The following STK3 variants were observed in gnomAD, a reference collection of about 807,000 sequenced individuals.
The protein encoded by STK3 is serine/threonine-protein kinase 3.
A neutral mutation model predicts 58.0 loss-of-function variants in STK3; 41 were observed. The ratio of observed to expected loss-of-function variants is 0.71; its 90% CI spans 0.55 to 0.92. The LOEUF (loss-of-function observed/expected upper bound fraction) is 0.92, where lower values mean the gene tolerates loss of function less well. Among genes scored for constraint, STK3 ranks in the 40% least tolerant of loss-of-function variants. The pLI is 0.00. For missense variants in STK3, 479 were observed against 602.7 expected, an observed-to-expected ratio of 0.79 and a Z score of 2.15; for synonymous variants, 170 against 191.0, an observed-to-expected ratio of 0.89 and a Z score of 0.91.
intron 1 of STK3, among the ~76,000 whole-genome samples, chr8:98,818,579 G>C (rs962306142): frequency 6.6e-6 from 1 of 150,508 alleles, no homozygotes; most frequent in South Asian, 2.1e-4. Context: ...TGTGTATCAA[G>C]ATAGCAGAAA....
intron 6 of STK3, among the ~76,000 whole-genome samples, chr8:98,647,144 A>C (rs1476298279): frequency 6.6e-6 from 1 of 152,068 alleles, no homozygotes. Flanking sequence ...CAAACACAAA[A>C]GGGCTTTCCA....
At chr8:98,586,360 G>A (rs1174692557) in intron 7 of STK3, among the ~76,000 whole-genome samples, 1 of 151,838 alleles carries the variant, frequency 6.6e-6, no homozygotes, top group East Asian at 1.9e-4. Flanking sequence ...ATAATCATGT[G>A]GTTTTTGTCT....
At chr8:98,694,660 T>G (rs2130974573) in intron 6 of STK3, among the ~76,000 whole-genome samples, 1 of 152,342 alleles carries the variant, frequency 6.6e-6, no homozygotes, top group Admixed American at 6.5e-5. Context: ...TTCATCCATG[T>G]CCCTACAAAG....
intron 9 of STK3, among the ~76,000 whole-genome samples, chr8:98,543,771 C>G (rs931778768): frequency 2.6e-5 from 4 of 152,154 alleles, no homozygotes; most frequent in Non-Finnish European, 5.9e-5. Flanking sequence ...CAGAGAAACA[C>G]AGGCCTCCAG....
rs1833434144 is a variant in STK3, at chr8:98,800,189, G to C, written c.26+25326C>G. On this transcript the variant is annotated intron_variant, in intron 1 of 10. Coordinates refer to ENST00000419617, the MANE Select transcript of STK3 (RefSeq NM_006281.4). The surrounding 1 kb of genome is among the most constrained non-coding windows in gnomAD (Gnocchi z 4.8). ...TTTCCTCTAGAATTGAGGCCACCAAGCTACAGATGGTCTTACAAATGGAAC... is the reference window on the plus strand; with the variant it reads ...TTTCCTCTAGAATTGAGGCCACCAACCTACAGATGGTCTTACAAATGGAAC... 6.6e-6 allele frequency among the ~76,000 whole-genome samples: 1 copy of C among 152,130 alleles called. No homozygotes were observed. Among genetic ancestry groups the C allele is most frequent in the African/African-American group, 2.4e-5 (1 of 41,418 alleles).
chr8:98,920,116 T>G (rs2132005055), intron 1 of STK3, among the ~76,000 whole-genome samples: 1 of 152,282 alleles, frequency 6.6e-6, no homozygotes, highest in Admixed American at 6.5e-5. Flanking sequence ...TACAACGTGG[T>G]TTAAATGTGT....
intron 3 of STK3, among the ~76,000 whole-genome samples, chr8:98,848,186 T>C (rs1303767690): frequency 6.6e-6 from 1 of 152,148 alleles, no homozygotes; most frequent in Non-Finnish European, 1.5e-5. Context: ...CAAAGAAACC[T>C]AGCACTCACC....
chr8:98,571,399 G>A (rs182940815), intron 8 of STK3, among the ~76,000 whole-genome samples: 5 of 152,164 alleles, frequency 3.3e-5, no homozygotes, highest in Admixed American at 1.3e-4. Context: ...AGGGGAAGGC[G>A]GGGGAAGTTT....
intron 6 of STK3, among the ~76,000 whole-genome samples, chr8:98,630,667 A>G (rs1587088694): frequency 6.9e-6 from 1 of 145,818 alleles, no homozygotes; most frequent in African/African-American, 2.6e-5. Context: ...GGAGAAGGAG[A>G]AGGAGGAGAA....
intron 3 of STK3, among the ~76,000 whole-genome samples, chr8:98,857,035 G>A (rs1296692349): frequency 6.6e-6 from 1 of 152,148 alleles, no homozygotes; most frequent in Non-Finnish European, 1.5e-5. Flanking sequence ...TGGATTAATA[G>A]TTGCTTAGGG....
At chr8:98,488,932 C>A (rs1343426430) in intron 10 of STK3, among the ~76,000 whole-genome samples, 1 of 152,128 alleles carries the variant, frequency 6.6e-6, no homozygotes, top group Non-Finnish European at 1.5e-5. Flanking sequence ...TTTCTGGGCA[C>A]CTTTCTCAAA....
At chr8:98,835,304 T>C (rs1054333018) in intron 3 of STK3, among the ~76,000 whole-genome samples, 6 of 152,228 alleles carry the variant, frequency 3.9e-5, no homozygotes, top group African/African-American at 1.4e-4. Flanking sequence ...CTAGGTCCTT[T>C]AAGTAATTTT....
chr8:98,705,439 T>TAAAAAAAAAAAAAAAAAAAA (rs1825899524), intron 6 of STK3, among the ~76,000 whole-genome samples: 1 of 152,044 alleles, frequency 6.6e-6, no homozygotes, highest in African/African-American at 2.4e-5. Flanking sequence ...AAACTCTCTT[T>TAAAAAAAAAAAAAAAAAAAA]AAAATGTTTC....
At chr8:98,806,057 C>T (rs1223531347) in intron 1 of STK3, among the ~76,000 whole-genome samples, 1 of 152,132 alleles carries the variant, frequency 6.6e-6, no homozygotes, top group East Asian at 1.9e-4. Flanking sequence ...ATTCATTATT[C>T]CTTTCATTAT....
At chr8:98,434,064 G>T (rs1036732569) in intron 3 of STK3, 2 of 152,186 alleles carry the variant, frequency 1.3e-5, no homozygotes, top group African/African-American at 4.8e-5. Context: ...GAGGTTATTG[G>T]GCCCCAGAAG....
intron 3 of STK3, among the ~76,000 whole-genome samples, chr8:98,423,997 C>T (rs1267083837): frequency 2.0e-5 from 3 of 152,222 alleles, no homozygotes; most frequent in Admixed American, 1.3e-4. Flanking sequence ...CCTCAACCTG[C>T]GCCTGGAGCA....
chr8:98,495,774 T>G (rs561656670), intron 10 of STK3, among the ~76,000 whole-genome samples: 1 of 152,348 alleles, frequency 6.6e-6, no homozygotes, highest in South Asian at 2.1e-4. Context: ...CTGTATATAC[T>G]TTTGTCTCAC....
At chr8:98,884,289 C>T (rs1043384197) in intron 1 of STK3, among the ~76,000 whole-genome samples, 4 of 152,162 alleles carry the variant, frequency 2.6e-5, no homozygotes, top group Non-Finnish European at 5.9e-5. Flanking sequence ...AGATGTGAGT[C>T]TATTTTTATT....
At chr8:98,396,726 C>T (rs997409315), downstream of STK3, among the ~76,000 whole-genome samples, 1 of 152,200 alleles carries the variant, frequency 6.6e-6, no homozygotes, top group Non-Finnish European at 1.5e-5. Flanking sequence ...GGTGGCAAGA[C>T]AGAATGAGAG....
Sources: gnomAD v4.1 joint callset for allele counts (sites outside exome capture counted in the v4.1 genomes callset) on GRCh38, gnomAD v4.1.1 for gene constraint, Gnocchi (gnomAD v3.1) non-coding constraint, MANE v1.5 for transcripts, NCBI Gene and HGNC (gene_info 2026-07-23, HGNC 2026-07-21) for gene names.